The following COL25A1 variants were observed in gnomAD, a reference collection of about 807,000 sequenced individuals.
COL25A1 encodes the protein collagen type XXV alpha 1 chain.
Under a neutral mutation model 128.4 loss-of-function variants are expected in COL25A1, and 103 were observed. The ratio of observed to expected loss-of-function variants is 0.80; its 90% CI spans 0.68 to 0.94. The LOEUF (loss-of-function observed/expected upper bound fraction) is 0.94, where lower values mean the gene tolerates loss of function less well. Among genes scored for constraint, COL25A1 ranks in the 40% least tolerant of loss-of-function variants. The pLI, the probability that COL25A1 is intolerant of heterozygous loss-of-function variation, is 0.00. For synonymous variants in COL25A1, 279 were observed against 277.2 expected (o/e 1.01, Z -0.06); for missense variants, 745 against 840.0 (o/e 0.89, Z 1.40).
At chr4:108,979,730 T>C (rs1050835686) in intron 6 of COL25A1, among the ~76,000 whole-genome samples, 3 of 152,224 alleles carry the variant, frequency 2.0e-5, no homozygotes, top group Admixed American at 6.5e-5. Flanking sequence ...TGTAGAAATA[T>C]GAGGACAAGC....
chr4:109,051,646 C>CACAG (rs1324873695), intron 3 of COL25A1, among the ~76,000 whole-genome samples: 4 of 151,578 alleles, frequency 2.6e-5, no homozygotes, highest in Non-Finnish European at 5.9e-5. Flanking sequence ...CACACACACA[C>CACAG]ACAGACATAA....
intron 8 of COL25A1, among the ~76,000 whole-genome samples, chr4:108,958,344 T>C (rs556362156): frequency 2.6e-5 from 4 of 152,126 alleles, no homozygotes; most frequent in African/African-American, 7.2e-5. Flanking sequence ...AGAAAATATA[T>C]ATAATAACTT....
chr4:109,073,985 C>T (rs1763191327), intron 3 of COL25A1, among the ~76,000 whole-genome samples: 2 of 152,166 alleles, frequency 1.3e-5, no homozygotes, highest in African/African-American at 4.8e-5. Context: ...GGTCCCCAAC[C>T]TTTTTGGCAC....
chr4:109,074,394 C>T (rs537886682), intron 3 of COL25A1, among the ~76,000 whole-genome samples: 100 of 152,256 alleles, frequency 6.6e-4, no homozygotes, highest in African/African-American at 2.1e-3. Context: ...CAATTCTAGT[C>T]CCCCCACCTG....
intron 3 of COL25A1, among the ~76,000 whole-genome samples, chr4:109,067,523 G>A (rs1762552822): frequency 6.6e-6 from 1 of 152,172 alleles, no homozygotes; most frequent in Admixed American, 6.5e-5. Context: ...CAATATTTTG[G>A]TGCCAGACAG....
intron 3 of COL25A1, among the ~76,000 whole-genome samples, chr4:109,140,844 G>A (rs575227258): frequency 6.2e-4 from 95 of 152,256 alleles, no homozygotes; most frequent in African/African-American, 1.7e-3. Flanking sequence ...CTGAGATGAC[G>A]GGGTTTTCTA....
At chr4:109,276,515 T>TA (rs1722866758) in intron 3 of COL25A1, among the ~76,000 whole-genome samples, 1 of 151,810 alleles carries the variant, frequency 6.6e-6, no homozygotes, top group African/African-American at 2.4e-5. Context: ...TGGGGGGAAA[T>TA]CTTACAAAAC....
intron 3 of COL25A1, among the ~76,000 whole-genome samples, chr4:109,155,543 G>T (rs1771946446): frequency 6.6e-6 from 1 of 152,166 alleles, no homozygotes; most frequent in South Asian, 2.1e-4. Flanking sequence ...AGAGAGATAG[G>T]TTAAAAGTAA....
At chr4:109,029,440 A>G (rs1758626319) in intron 5 of COL25A1, among the ~76,000 whole-genome samples, 1 of 152,230 alleles carries the variant, frequency 6.6e-6, no homozygotes, top group African/African-American at 2.4e-5. Flanking sequence ...GTCATCTCAC[A>G]TCATCACAGG....
chr4:109,294,143 A>G (rs901830714), intron 3 of COL25A1, among the ~76,000 whole-genome samples: 1 of 152,116 alleles, frequency 6.6e-6, no homozygotes, highest in African/African-American at 2.4e-5. Flanking sequence ...GTCAAAAGAT[A>G]GAAGTCAGCT....
At chr4:108,836,071 C>T (rs1272901588) in intron 31 of COL25A1, among the ~76,000 whole-genome samples, 5 of 151,138 alleles carry the variant, frequency 3.3e-5, no homozygotes, top group Non-Finnish European at 7.4e-5. Context: ...CAGGTTTCAC[C>T]ATGTTAGCCA....
At chr4:109,067,444 A>G (rs1762542127) in intron 3 of COL25A1, among the ~76,000 whole-genome samples, 2 of 152,206 alleles carry the variant, frequency 1.3e-5, no homozygotes, top group Admixed American at 6.5e-5. Context: ...AAAAAATTGA[A>G]AATATTTTTG....
chr4:108,941,439 T>C lies in COL25A1; in HGVS notation c.493-2A>G, dbSNP rs973616126. On this transcript the variant is annotated splice_acceptor_variant, in intron 8 of 37. Coordinates refer to ENST00000399132, the MANE Select transcript of COL25A1 (RefSeq NM_198721.4). LOFTEE classifies it high-confidence loss of function. ...ATGATTGATTTTAGGAAACACCATCTGATCAGTCAGTTGAGGTCAAAGGTT... is the reference window on the plus strand; with the variant it reads ...ATGATTGATTTTAGGAAACACCATCCGATCAGTCAGTTGAGGTCAAAGGTT... 3.1e-6 allele frequency: 5 copies of C among 1,613,218 alleles called. No individual in the cohort carries two copies. In the African/African-American group the frequency reaches 5.3e-5, roughly 17 times the overall value.
chr4:108,889,715 C>G lies in COL25A1; in HGVS notation c.925G>C (p.Ala309Pro). 1.2e-6 allele frequency: 2 copies of G among 1,613,586 alleles called. No homozygotes were observed. Among genetic ancestry groups the G allele is most frequent in the South Asian group, 1.1e-5 (1 of 91,072 alleles). Residue 309 changes from alanine to proline, a missense_variant, in exon 17 of 38, where the codon GCT (alanine) becomes CCT (proline). This residue lies in a region of COL25A1 where 387 missense variants were observed against 441.9 expected (regional missense o/e 0.88). Coordinates refer to ENST00000399132, the MANE Select transcript of COL25A1 (RefSeq NM_198721.4). ...GTTATAGTTACCTTAATTCCTGCAG[C>G]AGATGATCCAGGGTCACCCTAAAAC... The part of the protein sequence containing the change: ...TGEKGDPGSS[A>P]AGIKGEPGES...
chr4:109,233,278 A>G (rs1779267920), intron 3 of COL25A1, among the ~76,000 whole-genome samples: 2 of 152,054 alleles, frequency 1.3e-5, no homozygotes, highest in Admixed American at 1.3e-4. Flanking sequence ...TGTATTACTT[A>G]TTTTATTTTG....
chr4:109,035,107 C>T (rs1203728254), intron 5 of COL25A1, among the ~76,000 whole-genome samples: 1 of 152,076 alleles, frequency 6.6e-6, no homozygotes, highest in African/African-American at 2.4e-5. Flanking sequence ...ATATAGGTAA[C>T]AGAAAAAGTA....
At chr4:108,966,639 C>T (rs1751328883) in intron 8 of COL25A1, among the ~76,000 whole-genome samples, 1 of 151,966 alleles carries the variant, frequency 6.6e-6, no homozygotes, top group Admixed American at 6.6e-5. Context: ...CACTTGAGTC[C>T]AGGAGTTCGA....
intron 3 of COL25A1, among the ~76,000 whole-genome samples, chr4:109,077,751 A>G (rs1313165107): frequency 6.6e-6 from 1 of 152,198 alleles, no homozygotes; most frequent in Non-Finnish European, 1.5e-5. Flanking sequence ...GTCATAATAG[A>G]TGGTGTTGAA....
At chr4:109,040,458 C>T (rs77911514) in intron 5 of COL25A1, among the ~76,000 whole-genome samples, 2 of 152,264 alleles carry the variant, frequency 1.3e-5, no homozygotes, top group East Asian at 1.9e-4. Flanking sequence ...TCATTCAAAT[C>T]GCTCATTTGA....
Sources: gnomAD v4.1 joint callset for allele counts (sites outside exome capture counted in the v4.1 genomes callset) on GRCh38, gnomAD v4.1.1 for gene constraint, gnomAD v4.1.1 regional missense constraint, MANE v1.5 for transcripts, NCBI Gene and HGNC (gene_info 2026-07-23, HGNC 2026-07-21) for gene names.